The following PXK variants were observed in gnomAD, a reference collection of about 807,000 sequenced individuals.
PXK encodes the protein PX domain containing serine/threonine kinase like, also known as PX domain-containing protein kinase-like protein.
In PXK, 35 loss-of-function variants were observed where a neutral mutation model predicts 84.7. That is an observed-to-expected ratio of 0.41 (90% CI 0.32 to 0.55). PXK has a LOEUF of 0.55. Among genes scored for constraint, PXK ranks in the 20% least tolerant of loss-of-function variants. The pLI is 0.21. For missense variants in PXK, 634 were observed against 699.7 expected, an observed-to-expected ratio of 0.91 and a Z score of 1.06; for synonymous variants, 253 against 260.8, an observed-to-expected ratio of 0.97 and a Z score of 0.29.
chr3:58,397,147 T>C lies in PXK; in HGVS notation c.931T>C (p.Leu311=), dbSNP rs765243908. ...CRLLDLENSL[L]GLPSFYRSYF... is the part of the protein sequence containing the mutation. ...GCTGCTGGACCTTGAGAATTCCTTATTGGGCCTGCCTTCCTTCTACCGATC... is the reference window on the plus strand; with the variant it reads ...GCTGCTGGACCTTGAGAATTCCTTACTGGGCCTGCCTTCCTTCTACCGATC... The change falls in exon 10 of 18, where the codon TTG becomes CTG. Residue 311 remains leucine, a synonymous_variant. Coordinates refer to ENST00000356151, the MANE Select transcript of PXK (RefSeq NM_017771.5). This position sits in a 1 kb window ranked among gnomAD's most constrained non-coding sequence, Gnocchi z 4.7. 1.2e-6 allele frequency: 2 copies of C among 1,614,206 alleles called. No individual in the cohort carries two copies. Among genetic ancestry groups the C allele is most frequent in the South Asian group, 1.1e-5 (1 of 91,088 alleles).
chr3:58,334,316 G>A (rs981480818), intron 1 of PXK, among the ~76,000 whole-genome samples: 3 of 152,058 alleles, frequency 2.0e-5, no homozygotes, highest in African/African-American at 7.2e-5. Flanking sequence ...TTTATTTCAC[G>A]CTGTGTGTCT....
At position 58,399,452 on chromosome 3, in the gene PXK, G is replaced by A. The variant is rs550162929; in HGVS notation, c.1181+75G>A. On this transcript the variant is annotated intron_variant, in intron 12 of 17. Transcript: ENST00000356151. This position sits in a 1 kb window ranked among gnomAD's most constrained non-coding sequence, Gnocchi z 4.3. ...CCAGACCACTGTGTCCAAGCACCTG[G>A]TACTGTAGTAAAGATTCTTGCGGTC... 50 of 1,454,724 alleles carry A rather than the reference G, an allele frequency of 3.4e-5. No individual in the cohort carries two copies. In the South Asian group the frequency reaches 5.2e-4, roughly 15 times the overall value. 90.1% of individuals were successfully genotyped at this position (1,454,724 alleles called of 1,614,324 possible). A position where few individuals can be genotyped will look rare whatever the true frequency, so the allele number is the denominator to read the frequency against.
rs918307401 is a variant in PXK at position 58,401,723 on chromosome 3, C to G, written c.1182-2139C>G. Among the ~76,000 whole-genome samples the G allele has an allele frequency of 6.6e-6, 1 of 151,790 alleles. No individual in the cohort carries two copies. On this transcript the variant is annotated intron_variant, in intron 12 of 17. Coordinates refer to ENST00000356151, the MANE Select transcript of PXK (RefSeq NM_017771.5). The surrounding 1 kb of genome is among the most constrained non-coding windows in gnomAD (Gnocchi z 4.4). Reference sequence around the variant, plus strand: ...AGGTGGATCACAAGGTCAGGAGATCCAGACCATCCTAGCTAACACGGTGAA... The same window carrying G: ...AGGTGGATCACAAGGTCAGGAGATCGAGACCATCCTAGCTAACACGGTGAA...
In PXK at chr3:58,421,853, G is replaced by T. The variant is rs1158056333; in HGVS notation, c.1529-2899G>T. On this transcript the variant is annotated intron_variant, in intron 17 of 17. Coordinates refer to ENST00000356151, the MANE Select transcript of PXK (RefSeq NM_017771.5). This position sits in a 1 kb window ranked among gnomAD's most constrained non-coding sequence, Gnocchi z 5.5. ...GGGACTGACCTGGTCGTAACTGAAG[G>T]TAAGCTGTTTGCAGCATCCCCCTTC... 1.0e-6 allele frequency: 1 copy of T among 985,298 alleles called. No homozygotes were observed. Among genetic ancestry groups the T allele is most frequent in the Non-Finnish European group, 1.2e-6 (1 of 829,926 alleles). 61.0% of individuals were successfully genotyped at this position (985,298 alleles called of 1,614,324 possible).
At chr3:58,337,820 T>G (rs1163186202) in intron 1 of PXK, among the ~76,000 whole-genome samples, 2 of 152,150 alleles carry the variant, frequency 1.3e-5, no homozygotes, top group African/African-American at 4.8e-5. Context: ...GTGGCTTGGT[T>G]TATTGATCTT....
intron 1 of PXK, among the ~76,000 whole-genome samples, chr3:58,362,302 A>G (rs1057153370): frequency 4.0e-5 from 6 of 151,792 alleles, no homozygotes; most frequent in African/African-American, 7.3e-5. Flanking sequence ...TTTCTCTCCT[A>G]TTTTTTTTCC....
chr3:58,344,478 G>A (rs1327946552), intron 1 of PXK, among the ~76,000 whole-genome samples: 1 of 152,146 alleles, frequency 6.6e-6, no homozygotes, highest in Non-Finnish European at 1.5e-5. Flanking sequence ...GCAGCTCAGG[G>A]CCTCCTTACC....
At chr3:58,405,124 A>C (rs142288277) in intron 13 of PXK, among the ~76,000 whole-genome samples, 1 of 152,324 alleles carries the variant, frequency 6.6e-6, no homozygotes, top group East Asian at 1.9e-4. Context: ...ATCCAACATT[A>C]GTTCTTGTAT....
chr3:58,380,312 A>G (rs2098485587), intron 3 of PXK, among the ~76,000 whole-genome samples: 2 of 152,030 alleles, frequency 1.3e-5, no homozygotes, highest in Admixed American at 1.3e-4. Context: ...GTGCACCTGT[A>G]GTCCCAGCTA....
intron 16 of PXK, 67 bp downstream of exon 16, chr3:58,410,226 CA>C: frequency 8.0e-7 from 1 of 1,246,958 alleles, no homozygotes; most frequent in African/African-American, 1.5e-5. Flanking sequence ...TCTAGTTGGT[CA>C]AGAGGTCTTG....
At chr3:58,422,525 CAA>C (rs1201239270) in intron 17 of PXK, 18 of 985,294 alleles carry the variant, frequency 1.8e-5, no homozygotes, top group Non-Finnish European at 2.2e-5. Context: ...CCTACATTTT[CAA>C]AGAGACTCAT....
chr3:58,347,689 G>C (rs1435666981), intron 1 of PXK, among the ~76,000 whole-genome samples: 2 of 152,170 alleles, frequency 1.3e-5, no homozygotes, highest in East Asian at 3.9e-4. Flanking sequence ...TGAATATTTG[G>C]GTAAAGTCTT....
chr3:58,384,781 G>A (rs767676861), intron 4 of PXK, among the ~76,000 whole-genome samples: 1 of 152,216 alleles, frequency 6.6e-6, no homozygotes, highest in Non-Finnish European at 1.5e-5. Flanking sequence ...TTCAACAAAT[G>A]TGATGTGTGC....
At chr3:58,415,889 G>A (rs1560134375) in intron 17 of PXK, among the ~76,000 whole-genome samples, 1 of 152,226 alleles carries the variant, frequency 6.6e-6, no homozygotes, top group East Asian at 1.9e-4. Context: ...ATTGGTTTAA[G>A]CTTAAAAGGG....
At chr3:58,351,427 G>GTGTT (rs2108041667) in intron 1 of PXK, among the ~76,000 whole-genome samples, 2 of 147,770 alleles carry the variant, frequency 1.4e-5, no homozygotes, top group African/African-American at 4.9e-5. Flanking sequence ...GTGTGTGTGT[G>GTGTT]TGTGTGTATT....
chr3:58,376,623 C>T (rs995810509), intron 3 of PXK, among the ~76,000 whole-genome samples: 15 of 151,122 alleles, frequency 9.9e-5, no homozygotes, highest in African/African-American at 3.4e-4. Flanking sequence ...TAATATATTA[C>T]CCTTTATTAT....
At chr3:58,365,694 A>G (rs1025355643) in intron 1 of PXK, among the ~76,000 whole-genome samples, 180 bp from the exon 2 acceptor site, 4 of 152,152 alleles carry the variant, frequency 2.6e-5, no homozygotes, top group East Asian at 1.9e-4. Flanking sequence ...GAGGATTGCT[A>G]TGTCTTCCTG....
In PXK at chr3:58,412,813, T is replaced by C. The variant is rs953328814; in HGVS notation, c.1466-88T>C. On this transcript the variant is annotated intron_variant, in intron 16 of 17. Coordinates refer to ENST00000356151, the MANE Select transcript of PXK (RefSeq NM_017771.5). The surrounding 1 kb of genome is among the most constrained non-coding windows in gnomAD (Gnocchi z 6.2). Reference sequence around the variant, plus strand: ...GCTCACACACTAAGCCAAATGTAGATTCTCAGACAGCAGTGGGTCCCAGCC... The same window carrying C: ...GCTCACACACTAAGCCAAATGTAGACTCTCAGACAGCAGTGGGTCCCAGCC... 9.0e-6 allele frequency: 12 copies of C among 1,336,488 alleles called. No individual in the cohort carries two copies. The highest frequency in any genetic ancestry group is 1.3e-5 in the Non-Finnish European group (12 of 928,372). 82.8% of individuals were successfully genotyped at this position (1,336,488 alleles called of 1,614,324 possible). A position where few individuals can be genotyped will look rare whatever the true frequency, so the allele number is the denominator to read the frequency against.
chr3:58,357,278 CA>C (rs1290785479), intron 1 of PXK, among the ~76,000 whole-genome samples: 2,145 of 131,772 alleles, frequency 0.016, 57 homozygotes, highest in African/African-American at 0.055. Context: ...GACTCTGTCT[CA>C]AAAAAAAAAA....
Sources: gnomAD v4.1 joint callset for allele counts (sites outside exome capture counted in the v4.1 genomes callset) on GRCh38, gnomAD v4.1.1 for gene constraint, Gnocchi (gnomAD v3.1) non-coding constraint, MANE v1.5 for transcripts, NCBI Gene and HGNC (gene_info 2026-07-23, HGNC 2026-07-21) for gene names.